Variants in CFAP44 observed in about 807,000 individuals in gnomAD.
CFAP44 encodes cilia- and flagella-associated protein 44.
A neutral mutation model predicts 216.2 loss-of-function variants in CFAP44; 134 were observed. That is an observed-to-expected ratio of 0.62 (90% CI 0.54 to 0.72). The LOEUF (loss-of-function observed/expected upper bound fraction) is 0.72. Ranked by LOEUF, CFAP44 falls within the 30% of genes least tolerant of loss-of-function variation. The pLI is 0.00. For synonymous variants in CFAP44, 700 were observed against 727.6 expected, an observed-to-expected ratio of 0.96 and a Z score of 0.61; for missense variants, 2,035 against 2,182.1, an observed-to-expected ratio of 0.93 and a Z score of 1.34.
intron 27 of CFAP44, among the ~76,000 whole-genome samples, chr3:113,326,898 T>C (rs75455998): frequency 0.091 from 13,873 of 152,140 alleles, 833 homozygotes; most frequent in African/African-American, 0.16. Context: ...CTAAATTAAA[T>C]TGAAACTTTT....
chr3:113,402,677 G>GT (rs1934176004), intron 9 of CFAP44, among the ~76,000 whole-genome samples: 1 of 152,168 alleles, frequency 6.6e-6, no homozygotes, highest in Admixed American at 6.5e-5. Context: ...GTTGGGCTAG[G>GT]TTTTTTCTAT....
At chr3:113,334,931 T>C (rs1576553560) in intron 24 of CFAP44, among the ~76,000 whole-genome samples, 1 of 152,196 alleles carries the variant, frequency 6.6e-6, no homozygotes, top group South Asian at 2.1e-4. Context: ...CGTGTACACA[T>C]AGCTCTCACA....
chr3:113,340,741 C>T (rs1576556484), intron 24 of CFAP44, among the ~76,000 whole-genome samples: 1 of 152,202 alleles, frequency 6.6e-6, no homozygotes, highest in South Asian at 2.1e-4. Flanking sequence ...CTATAGGCAG[C>T]CTGTGTTAAC....
At chr3:113,379,194 A>C in intron 17 of CFAP44, 112 bp downstream of exon 17, 8 of 870,146 alleles carry the variant, frequency 9.2e-6, no homozygotes, top group Non-Finnish European at 1.3e-5. Flanking sequence ...ATCTAAAAAA[A>C]AATAAATAGA....
chr3:113,303,422 C>T (rs1949956803), intron 32 of CFAP44, among the ~76,000 whole-genome samples: 1 of 151,986 alleles, frequency 6.6e-6, no homozygotes, highest in African/African-American at 2.4e-5. Context: ...TTATGGATAA[C>T]TTAAAAATTG....
At chr3:113,382,079 A>C (rs963555945) in intron 15 of CFAP44, among the ~76,000 whole-genome samples, 3 of 152,206 alleles carry the variant, frequency 2.0e-5, no homozygotes, top group Non-Finnish European at 2.9e-5. Context: ...AGTCCTGTGG[A>C]ACATTTGCTT....
Position 113,427,280 on chromosome 3 carries a change from C to T in CFAP44, c.160G>A (p.Gly54Arg), listed in dbSNP as rs982322291. 1 of 1,613,114 alleles carries T rather than the reference C, an allele frequency of 6.2e-7. No individual in the cohort carries two copies. The highest frequency in any genetic ancestry group is 8.5e-7 in the Non-Finnish European group (1 of 1,179,602). Residue 54 changes from glycine (G) to arginine (R), a missense_variant, in exon 3 of 35, where the codon GGG (glycine) becomes AGG (arginine). Gly to Arg is a moderately radical substitution (Grantham distance 125). Coordinates refer to ENST00000393845, the MANE Select transcript of CFAP44 (RefSeq NM_001164496.2). ...TCTTCTTCTAAATATGATCCTTCCCCTTTGGTAAATGTTTCATCTGTGTCA... is the reference window on the plus strand; with the variant it reads ...TCTTCTTCTAAATATGATCCTTCCCTTTTGGTAAATGTTTCATCTGTGTCA... ...EDDTDETFTK[G>R]EGSYLEEDSD... is the part of the protein sequence containing the mutation.
At chr3:113,408,979 A>T in intron 7 of CFAP44, 127 bp downstream of exon 7, 2 of 602,158 alleles carry the variant, frequency 3.3e-6, no homozygotes, top group Non-Finnish European at 5.3e-6. Flanking sequence ...ACATATTTTT[A>T]AATAATTCTA....
intron 24 of CFAP44, among the ~76,000 whole-genome samples, chr3:113,335,275 T>C (rs1412912241): frequency 6.6e-6 from 1 of 152,186 alleles, no homozygotes; most frequent in Non-Finnish European, 1.5e-5. Context: ...ATGATCCTTA[T>C]TATCTCCTGG....
chr3:113,406,933 A>G lies in CFAP44; in HGVS notation c.999T>C (p.Asp333=). 1 of 1,612,484 alleles carries G rather than the reference A, an allele frequency of 6.2e-7. No individual in the cohort carries two copies. The highest frequency in any genetic ancestry group is 8.5e-7 in the Non-Finnish European group (1 of 1,178,564). ...TDIEGYMELP[D]GKVLSGSEWG... ...GAATAGTAGCTGTACTCACCTTCCC[A>G]TCTGGGAGCTCCATGTAGCCTTCTA... The change falls in exon 8 of 35, where the codon GAT becomes GAC. Residue 333 remains aspartate (D), a synonymous_variant. Coordinates refer to ENST00000393845, the MANE Select transcript of CFAP44 (RefSeq NM_001164496.2).
At chr3:113,363,029 A>G in intron 21 of CFAP44, 116 bp downstream of exon 21, 1 of 1,391,980 alleles carries the variant, frequency 7.2e-7, no homozygotes, top group African/African-American at 1.5e-5. Flanking sequence ...GAAATTTTGA[A>G]AGAAACAAAC....
intron 6 of CFAP44, among the ~76,000 whole-genome samples, chr3:113,414,344 G>A (rs564518026): frequency 4.3e-4 from 65 of 152,074 alleles, no homozygotes; most frequent in African/African-American, 1.4e-3. Flanking sequence ...ATTTGAATAC[G>A]CTTCATTTCT....
intron 16 of CFAP44, among the ~76,000 whole-genome samples, chr3:113,379,967 C>T (rs898853902): frequency 1.1e-4 from 17 of 152,100 alleles, no homozygotes; most frequent in Admixed American, 5.9e-4. Context: ...CTGGTATTTC[C>T]GCCTCCCATC....
At chr3:113,385,146 A>T (rs377184205) in intron 15 of CFAP44, among the ~76,000 whole-genome samples, 70 of 152,284 alleles carry the variant, frequency 4.6e-4, no homozygotes, top group African/African-American at 7.7e-4. Context: ...GACATCCCTT[A>T]GCTCTTCCTT....
At chr3:113,327,897 T>G (rs947379453) in intron 26 of CFAP44, 78 bp from the exon 27 acceptor site, 2 of 1,311,578 alleles carry the variant, frequency 1.5e-6, no homozygotes, top group Non-Finnish European at 2.1e-6. Context: ...AGTACTAATT[T>G]GTATGAAGTC....
At chr3:113,376,835 A>G (rs1933359528) in intron 17 of CFAP44, among the ~76,000 whole-genome samples, 2 of 152,228 alleles carry the variant, frequency 1.3e-5, no homozygotes, top group African/African-American at 4.8e-5. Context: ...GTACTAGAGC[A>G]TGTTTGTATG....
intron 23 of CFAP44, 130 bp downstream of exon 23, chr3:113,344,386 A>C: frequency 1.3e-6 from 1 of 766,728 alleles, no homozygotes; most frequent in South Asian, 1.8e-5. Context: ...AAAGAAAACC[A>C]TCATGGAAGG....
chr3:113,384,104 G>A (rs1014310264), intron 15 of CFAP44, among the ~76,000 whole-genome samples: 3 of 151,724 alleles, frequency 2.0e-5, no homozygotes, highest in African/African-American at 4.8e-5. Flanking sequence ...TGTCACCCAG[G>A]CTGGAGTGCA....
intron 1 of CFAP44, among the ~76,000 whole-genome samples, chr3:113,439,750 G>A (rs999204393): frequency 2.0e-5 from 3 of 152,156 alleles, no homozygotes; most frequent in Non-Finnish European, 4.4e-5. Context: ...TTGGCTAGAC[G>A]CCAGACAGAG....
Sources: gnomAD v4.1 joint callset for allele counts (sites outside exome capture counted in the v4.1 genomes callset) on GRCh38, gnomAD v4.1.1 for gene constraint, MANE v1.5 for transcripts, NCBI Gene and HGNC (gene_info 2026-07-23, HGNC 2026-07-21) for gene names.